MDN1: variants seen among roughly 807,000 people sequenced by gnomAD.
MDN1 encodes the protein midasin.
MDN1 carries 266 observed loss-of-function variants against 669.2 expected under a neutral mutation model. That is an observed-to-expected ratio of 0.40 (90% CI 0.36 to 0.44). MDN1 has a LOEUF of 0.44. Ranked by LOEUF, MDN1 falls within the 20% of genes least tolerant of loss-of-function variation. MDN1 has a pLI of 1.00. For missense variants in MDN1, 5,940 were observed against 6,754.0 expected (o/e 0.88, Z 4.22); for synonymous variants, 2,385 against 2,457.1 (o/e 0.97, Z 0.87).
At chr6:89,817,455 T>C (rs1170925493) in intron 1 of MDN1, among the ~76,000 whole-genome samples, 1 of 152,108 alleles carries the variant, frequency 6.6e-6, no homozygotes, top group Non-Finnish European at 1.5e-5. Flanking sequence ...CTCAATCAAC[T>C]ACTGAGAATC....
intron 59 of MDN1, among the ~76,000 whole-genome samples, chr6:89,698,531 G>C (rs948571942): frequency 1.3e-5 from 2 of 152,056 alleles, no homozygotes; most frequent in African/African-American, 4.8e-5. Context: ...GTAAACAGAA[G>C]GATATAGAAC....
rs773932527 is a variant in MDN1, at chr6:89,700,801, G to T, written c.8483C>A (p.Ala2828Asp). 1.9e-6 allele frequency: 3 copies of T among 1,614,008 alleles called. No individual in the cohort carries two copies. The East Asian group carries it at 6.7e-5, about 36-fold the overall frequency. ...SQLKVLNKVL[A>D]IREQMSALGE... ...AAGGGCAGACATCTGCTCCCTGATG[G>T]CAAGGACTTTGTTAAGGACCTTCAG... The change falls in exon 56 of 102, where the codon GCC (alanine) becomes GAC (aspartate). Residue 2828 changes from alanine (A) to aspartate (D), a missense_variant. Coordinates refer to ENST00000369393, the MANE Select transcript of MDN1 (RefSeq NM_014611.3).
chr6:89,729,852 T>C (rs1403528037), intron 35 of MDN1, among the ~76,000 whole-genome samples: 1 of 151,952 alleles, frequency 6.6e-6, no homozygotes, highest in Non-Finnish European at 1.5e-5. Context: ...AGGGATTTGA[T>C]GGTTAGATTA....
At position 89,762,452 on chromosome 6, in the gene MDN1, G is replaced by A. The variant is rs755134782; in HGVS notation, c.2223C>T (p.Ser741=). The A allele has an allele frequency of 1.9e-6, 3 of 1,614,026 alleles. No individual in the cohort carries two copies. Among genetic ancestry groups the A allele is most frequent in the South Asian group, 2.2e-5 (2 of 91,080 alleles). ...AFEELFAQTF[S]KKQNFTFLGH... ...CCAAGAACGTAAAGTTTTGTTTCTT[G>A]GAAAATGTCTGAGCAAAGAGTTCCT... Residue 741 remains serine (S), a synonymous_variant, in exon 16 of 102, where the codon TCC becomes TCT. Coordinates refer to ENST00000369393, the MANE Select transcript of MDN1 (RefSeq NM_014611.3).
intron 15 of MDN1, among the ~76,000 whole-genome samples, chr6:89,770,552 T>A (rs1818032865): frequency 6.6e-6 from 1 of 152,162 alleles, no homozygotes. Context: ...GTAGAAAGCC[T>A]GGAGTGCAGT....
intron 48 of MDN1, 38 bp downstream of exon 48, chr6:89,712,537 C>A (rs771394985): frequency 1.3e-6 from 2 of 1,590,242 alleles, no homozygotes; most frequent in South Asian, 1.1e-5. Flanking sequence ...TAAAAACCAG[C>A]CAAGAAACCA....
intron 51 of MDN1, among the ~76,000 whole-genome samples, chr6:89,707,715 C>T (rs868721873): frequency 6.6e-6 from 1 of 152,080 alleles, no homozygotes; most frequent in Non-Finnish European, 1.5e-5. Context: ...TGGTCTGTCA[C>T]GATCTGACAA....
chr6:89,691,181 C>A (rs965583278), intron 63 of MDN1, among the ~76,000 whole-genome samples: 2 of 152,164 alleles, frequency 1.3e-5, no homozygotes, highest in African/African-American at 4.8e-5. Context: ...GTGGTTCAGA[C>A]AACACCTGGG....
At position 89,674,516 on chromosome 6, in the gene MDN1, G is replaced by A. The variant is rs530285469; in HGVS notation, c.12835C>T (p.Pro4279Ser). 8 of 1,609,282 alleles carry A rather than the reference G, an allele frequency of 5.0e-6. No homozygotes were observed. Among genetic ancestry groups the A allele is most frequent in the South Asian group, 1.1e-5 (1 of 91,020 alleles). The part of the protein sequence containing the change: ...GPQAYPVAFP[P>S]QDGVQQWTER... ...GTCCACTGCTGCACGCCATCCTGAG[G>A]GGGGAAGGCCACGGGGTAGGCCTGG... is the stretch of plus-strand genomic sequence containing the variant. Residue 4279 changes from proline (P) to serine (S), a missense_variant, in exon 79 of 102, where the codon CCT (proline) becomes TCT (serine). Physicochemically the swap from Pro to Ser is moderately conservative, Grantham distance 74. This residue lies in a region of MDN1 where 2,280 missense variants were observed against 2,576.3 expected (regional missense o/e 0.88). Transcript: ENST00000369393.
Position 89,700,178 on chromosome 6 carries a change from T to C in MDN1, c.8755A>G (p.Thr2919Ala). ...CTCCTGGTGAGGTGGATTACGGAGG[T>C]CAAGTCTGGATGGGACAGGGAGGAA... The part of the protein sequence containing the change: ...EASSLSHPDL[T>A]SVIHLTRSVQ... Residue 2919 changes from threonine to alanine, a missense_variant, in exon 57 of 102, where the codon ACC becomes GCC. By Grantham distance (58) the Thr-to-Ala change is moderately conservative. This residue lies in a region of MDN1 where 2,292 missense variants were observed against 2,638.3 expected (regional missense o/e 0.87). Transcript: ENST00000369393. 6.2e-7 allele frequency: 1 copy of C among 1,614,066 alleles called. No individual in the cohort carries two copies. The highest frequency in any genetic ancestry group is 2.2e-5 in the East Asian group (1 of 44,886).
chr6:89,787,280 C>T (rs1819014464), intron 8 of MDN1, among the ~76,000 whole-genome samples: 1 of 152,146 alleles, frequency 6.6e-6, no homozygotes, highest in Non-Finnish European at 1.5e-5. Context: ...AGAAATAAAC[C>T]ACTGCCTTCA....
chr6:89,746,400 T>G (rs983053979), intron 27 of MDN1, among the ~76,000 whole-genome samples: 1 of 151,926 alleles, frequency 6.6e-6, no homozygotes, highest in Non-Finnish European at 1.5e-5. Flanking sequence ...CTGGCCAACA[T>G]GGGAAACACC....
chr6:89,688,866 G>T, intron 65 of MDN1, 58 bp from the exon 66 acceptor site: 1 of 1,425,784 alleles, frequency 7.0e-7, no homozygotes, highest in Non-Finnish European at 9.8e-7. Context: ...CTATCAACAT[G>T]TCAAAAAGAT....
At chr6:89,644,867 C>A (rs562930350) in intron 101 of MDN1, 148 bp downstream of exon 101, 300 of 789,528 alleles carry the variant, frequency 3.8e-4, no homozygotes, top group Non-Finnish European at 3.2e-5. Flanking sequence ...AAAATACTTA[C>A]AAGTGCCTAC....
chr6:89,774,348 G>A (rs1031519609), intron 13 of MDN1, among the ~76,000 whole-genome samples: 21 of 152,162 alleles, frequency 1.4e-4, no homozygotes, highest in Non-Finnish European at 1.2e-4. Flanking sequence ...ACTTCCAACT[G>A]AGGCATACTT....
intron 21 of MDN1, 137 bp from the exon 22 acceptor site, chr6:89,753,759 G>A: frequency 1.3e-6 from 1 of 755,564 alleles, no homozygotes; most frequent in Non-Finnish European, 2.2e-6. Flanking sequence ...TAGATAAAGG[G>A]AAGGGTAGGC....
intron 1 of MDN1, chr6:89,815,274 G>C (rs1768745153): frequency 4.4e-6 from 2 of 457,636 alleles, no homozygotes; most frequent in Non-Finnish European, 8.6e-6. Context: ...ATCTGATAGT[G>C]ACCTAGCACC....
intron 73 of MDN1, 97 bp downstream of exon 73, chr6:89,683,035 A>G (rs1334765569): frequency 2.7e-5 from 33 of 1,243,500 alleles, no homozygotes; most frequent in Non-Finnish European, 3.8e-5. Context: ...TTTCAAAGGC[A>G]TTTTCTTGTC....
At chr6:89,689,788 T>A in intron 65 of MDN1, 82 bp downstream of exon 65, 7 of 1,455,892 alleles carry the variant, frequency 4.8e-6, no homozygotes, top group Non-Finnish European at 6.5e-6. Flanking sequence ...AATTCATGAG[T>A]GTGATTGTTA....
Sources: allele counts gnomAD v4.1 joint callset (sites outside exome capture counted in the v4.1 genomes callset), GRCh38; gene constraint gnomAD v4.1.1; regional missense constraint gnomAD v4.1.1; transcripts MANE v1.5; gene names NCBI Gene and HGNC (gene_info 2026-07-23, HGNC 2026-07-21).